Variants in ZNF618 observed in about 807,000 individuals in gnomAD.
ZNF618 encodes the protein zinc finger protein 618.
A neutral mutation model predicts 103.0 loss-of-function variants in ZNF618; 34 were observed. The ratio of observed to expected loss-of-function variants is 0.33; its 90% CI spans 0.25 to 0.44. The LOEUF (loss-of-function observed/expected upper bound fraction) is 0.44. Ranked by LOEUF, ZNF618 falls within the 20% of genes least tolerant of loss-of-function variation. ZNF618 has a pLI of 1.00. For synonymous variants in ZNF618, 551 were observed against 542.2 expected, an observed-to-expected ratio of 1.02 and a Z score of -0.23; for missense variants, 1,059 against 1,295.4, an observed-to-expected ratio of 0.82 and a Z score of 2.80.
At chr9:113,918,373 G>A (rs1195969615) in intron 1 of ZNF618, among the ~76,000 whole-genome samples, 1 of 152,122 alleles carries the variant, frequency 6.6e-6, no homozygotes, top group Non-Finnish European at 1.5e-5. Flanking sequence ...TTTGTGTGGC[G>A]ATATTTTGAG....
Position 113,876,327 on chromosome 9 carries a change from G to C in ZNF618, c.-54G>C, listed in dbSNP as rs1204256302. On this transcript the variant is annotated 5_prime_UTR_variant, in exon 1 of 15. Transcript: ENST00000374126. ...CGGCGGCATTGTGCGCGCACCAGCA[G>C]CCCGGCCCGGGAGGAGCAGGACGCG... 2 of 1,140,118 alleles carry C rather than the reference G, an allele frequency of 1.8e-6. No individual in the cohort carries two copies. The highest frequency in any genetic ancestry group is 2.1e-6 in the Non-Finnish European group (2 of 934,106). 70.6% of individuals were successfully genotyped at this position (1,140,118 alleles called of 1,614,324 possible).
intron 13 of ZNF618, among the ~76,000 whole-genome samples, chr9:114,038,957 C>T (rs750260874): frequency 6.6e-6 from 1 of 152,330 alleles, no homozygotes; most frequent in East Asian, 1.9e-4. Flanking sequence ...ATTTAATTCT[C>T]GGAACAACCC....
intron 3 of ZNF618, among the ~76,000 whole-genome samples, chr9:113,990,993 C>T (rs1223826492): frequency 6.6e-6 from 1 of 152,224 alleles, no homozygotes. Flanking sequence ...TGTGTTAAGA[C>T]TCATTAGACC....
At chr9:114,007,278 A>G (rs1410209942) in intron 6 of ZNF618, 72 bp from the exon 7 acceptor site, 6 of 1,332,958 alleles carry the variant, frequency 4.5e-6, no homozygotes, top group Non-Finnish European at 6.3e-6. Flanking sequence ...TTCTGAGATG[A>G]TCTGGCCAGA....
chr9:114,018,945 G>T (rs1275304306), intron 10 of ZNF618, among the ~76,000 whole-genome samples: 1 of 152,188 alleles, frequency 6.6e-6, no homozygotes, highest in Non-Finnish European at 1.5e-5. Context: ...TTAGAGATTT[G>T]TGTGCCAATG....
intron 3 of ZNF618, among the ~76,000 whole-genome samples, chr9:113,995,083 A>C (rs1460310908): frequency 6.6e-6 from 1 of 152,156 alleles, no homozygotes; most frequent in Non-Finnish European, 1.5e-5. Context: ...GAAATTTTAC[A>C]TCTTTCCTTT....
chr9:114,014,621 A>G (rs959160017), intron 9 of ZNF618, among the ~76,000 whole-genome samples: 3 of 152,260 alleles, frequency 2.0e-5, no homozygotes, highest in Non-Finnish European at 4.4e-5. Context: ...ATGTAAACAA[A>G]TAGATCAGGG....
intron 4 of ZNF618, 90 bp from the exon 5 acceptor site, chr9:114,001,906 T>TGCCCC: frequency 4.5e-6 from 5 of 1,116,730 alleles, no homozygotes; most frequent in Non-Finnish European, 6.9e-6. Flanking sequence ...GGACAGAGAG[T>TGCCCC]TAGCCACACT....
intron 1 of ZNF618, among the ~76,000 whole-genome samples, chr9:113,921,815 A>C (rs1410700168): frequency 6.6e-6 from 1 of 152,204 alleles, no homozygotes; most frequent in Non-Finnish European, 1.5e-5. Context: ...AAAGCAAAAG[A>C]TGCCTTCTAT....
At chr9:114,016,057 C>T in intron 9 of ZNF618, 1 of 1,506,644 alleles carries the variant, frequency 6.6e-7, no homozygotes. Flanking sequence ...ATTGAAATTT[C>T]TCTTTAGTTT....
At chr9:114,025,315 G>A (rs1475543584) in intron 10 of ZNF618, among the ~76,000 whole-genome samples, 1 of 152,186 alleles carries the variant, frequency 6.6e-6, no homozygotes, top group African/African-American at 2.4e-5. Context: ...GAAACCCCCT[G>A]GCCTCTCCAC....
intron 2 of ZNF618, among the ~76,000 whole-genome samples, chr9:113,982,603 G>A (rs1839073019): frequency 6.6e-6 from 1 of 152,142 alleles, no homozygotes; most frequent in Non-Finnish European, 1.5e-5. Context: ...AGGAGATTAG[G>A]ATGTGGACAT....
chr9:113,984,876 C>G (rs1306780653), intron 2 of ZNF618, among the ~76,000 whole-genome samples: 2 of 152,230 alleles, frequency 1.3e-5, no homozygotes, highest in Non-Finnish European at 2.9e-5. Flanking sequence ...CTCTGCAGCA[C>G]TAGACAAAGT....
In ZNF618 at chr9:113,876,422, G is replaced by C. The variant is rs1827931930; in HGVS notation, c.33+9G>C. 6.7e-6 allele frequency: 8 copies of C among 1,202,622 alleles called. No individual in the cohort carries two copies. Among genetic ancestry groups the C allele is most frequent in the Non-Finnish European group, 8.3e-6 (8 of 969,230 alleles). 74.5% of individuals were successfully genotyped at this position (1,202,622 alleles called of 1,614,324 possible). A position where few individuals can be genotyped will look rare whatever the true frequency, so the allele number is the denominator to read the frequency against. On this transcript the variant is annotated intron_variant, in intron 1 of 14. Transcript: ENST00000374126. ...GCGCGGCGGCTCCGCAGGTACGACG[G>C]GGGGCCGGGGGCATGCACCGCGCGG...
intron 1 of ZNF618, among the ~76,000 whole-genome samples, chr9:113,880,841 A>G (rs1315121004): frequency 2.0e-5 from 3 of 152,238 alleles, no homozygotes; most frequent in African/African-American, 7.2e-5. Flanking sequence ...CTGAACCGCC[A>G]TGATGTGCTG....
chr9:114,016,311 G>A (rs1050201857), intron 9 of ZNF618: 6 of 712,000 alleles, frequency 8.4e-6, no homozygotes, highest in Non-Finnish European at 1.4e-5. Context: ...GGCTTGCAAA[G>A]GGGCTGACGA....
At chr9:114,012,022 T>TAAA (rs372244026) in intron 9 of ZNF618, among the ~76,000 whole-genome samples, 2 of 138,268 alleles carry the variant, frequency 1.4e-5, no homozygotes, top group African/African-American at 2.7e-5. Flanking sequence ...CTTGAATAGT[T>TAAA]AAAAAAAAAA....
At chr9:113,988,694 G>A (rs1409919360) in intron 3 of ZNF618, 114 bp downstream of exon 3, 6 of 1,412,356 alleles carry the variant, frequency 4.2e-6, no homozygotes, top group Non-Finnish European at 5.6e-6. Flanking sequence ...GAGAACCTTT[G>A]CTGGCTTCCC....
At chr9:114,033,116 A>G (rs1844245070) in intron 12 of ZNF618, among the ~76,000 whole-genome samples, 2 of 152,154 alleles carry the variant, frequency 1.3e-5, no homozygotes, top group African/African-American at 4.8e-5. Context: ...TGCAGTTGAG[A>G]GAGCTCTAAG....
Sources: gnomAD v4.1 joint callset for allele counts (sites outside exome capture counted in the v4.1 genomes callset) on GRCh38, gnomAD v4.1.1 for gene constraint, MANE v1.5 for transcripts, NCBI Gene and HGNC (gene_info 2026-07-23, HGNC 2026-07-21) for gene names.